Variants in STAMBP observed in about 807,000 individuals in gnomAD.
STAMBP encodes the protein STAM-binding protein.
Under a neutral mutation model 50.7 loss-of-function variants are expected in STAMBP, and 31 were observed. The observed-to-expected ratio is 0.61, with a 90% CI of 0.46 to 0.83. STAMBP has a LOEUF of 0.83. STAMBP is among the 40% of genes least tolerant of loss of function. STAMBP has a pLI of 0.00. For missense variants in STAMBP, 472 were observed against 518.9 expected, an observed-to-expected ratio of 0.91 and a Z score of 0.88; for synonymous variants, 211 against 192.4, an observed-to-expected ratio of 1.10 and a Z score of -0.80.
At chr2:73,848,422 T>C (rs1345512801) in intron 5 of STAMBP, among the ~76,000 whole-genome samples, 1 of 152,222 alleles carries the variant, frequency 6.6e-6, no homozygotes, top group East Asian at 1.9e-4. Context: ...CTCAAGAATA[T>C]ACACCAGTGT....
chr2:73,859,699 A>T (rs908394496), intron 8 of STAMBP, among the ~76,000 whole-genome samples: 54 of 136,752 alleles, frequency 3.9e-4, no homozygotes, highest in Non-Finnish European at 7.6e-4. Context: ...ATAAAAAATA[A>T]AAAATAAAAA....
At position 73,862,951 on chromosome 2, in the gene STAMBP, G is replaced by A. The variant is rs1020517288; in HGVS notation, c.*692G>A. On this transcript the variant is annotated 3_prime_UTR_variant, in exon 10 of 10. Transcript: ENST00000394070. ...ATAAACAGGTTAAAAAAAAGGTATG[G>A]TTGTTTTGGAAAGGTGAAGGAAAAA... The A allele has an allele frequency of 1.3e-5, 2 of 152,240 alleles. No individual in the cohort carries two copies. The highest frequency in any genetic ancestry group is 4.8e-5 in the African/African-American group (2 of 41,400). 9.4% of individuals were successfully genotyped at this position (152,240 alleles called of 1,614,324 possible). A position where few individuals can be genotyped will look rare whatever the true frequency, so the allele number is the denominator to read the frequency against.
chr2:73,851,724 C>T (rs1676833995), intron 7 of STAMBP, among the ~76,000 whole-genome samples: 2 of 151,800 alleles, frequency 1.3e-5, no homozygotes, highest in Non-Finnish European at 2.9e-5. Context: ...ACTGCAACCT[C>T]CACCTCCCGG....
intron 2 of STAMBP, among the ~76,000 whole-genome samples, chr2:73,834,665 G>A (rs141412854): frequency 6.6e-6 from 1 of 151,988 alleles, no homozygotes; most frequent in Non-Finnish European, 1.5e-5. Context: ...GTCGAAATAA[G>A]GAAAATACTT....
Position 73,847,615 on chromosome 2 carries a change from A to G in STAMBP, c.604A>G (p.Lys202Glu). Residue 202 changes from lysine to glutamate, a missense_variant, in exon 5 of 10, where the codon AAG becomes GAG. Coordinates refer to ENST00000394070, the MANE Select transcript of STAMBP (RefSeq NM_213622.4). ...LGGPLVPDLEKPSLDVFPTLT... is the reference protein window; with the variant it reads ...LGGPLVPDLEEPSLDVFPTLT... ...TGGCCCGCTAGTGCCTGACTTGGAG[A>G]AGCCCTCCTTAGATGTGTTCCCCAC... The G allele has an allele frequency of 6.2e-7, 1 of 1,614,138 alleles. No homozygotes were observed. The highest frequency in any genetic ancestry group is 1.3e-5 in the African/African-American group (1 of 75,030).
intron 2 of STAMBP, among the ~76,000 whole-genome samples, chr2:73,833,001 GA>G (rs1674153275): frequency 6.6e-6 from 1 of 152,210 alleles, no homozygotes; most frequent in Non-Finnish European, 1.5e-5. Flanking sequence ...TAATCCAGTA[GA>G]AAAAGGTTCA....
At chr2:73,830,372 A>C (rs553326284) in intron 1 of STAMBP, among the ~76,000 whole-genome samples, 2 of 152,374 alleles carry the variant, frequency 1.3e-5, no homozygotes, top group South Asian at 4.1e-4. Flanking sequence ...TCTCAGATTA[A>C]GTAAAAATGG....
chr2:73,836,989 C>T (rs1330073925), intron 2 of STAMBP, among the ~76,000 whole-genome samples: 1 of 152,162 alleles, frequency 6.6e-6, no homozygotes, highest in East Asian at 1.9e-4. Flanking sequence ...ATCTGGGGTC[C>T]AGGAACCTCA....
intron 2 of STAMBP, among the ~76,000 whole-genome samples, chr2:73,833,984 A>T (rs1674268001): frequency 6.6e-6 from 1 of 151,482 alleles, no homozygotes; most frequent in Non-Finnish European, 1.5e-5. Flanking sequence ...GCCGAAGTGG[A>T]TGGATCACTT....
Position 73,862,381 on chromosome 2 carries a change from T to G in STAMBP, c.*122T>G, listed in dbSNP as rs769448212. 1.6e-6 allele frequency: 1 copy of G among 638,876 alleles called. No homozygotes were observed. The highest frequency in any genetic ancestry group is 2.4e-6 in the Non-Finnish European group (1 of 414,874). The allele number at this position is 638,876 out of a possible 1,614,324, so 39.6% of individuals were successfully genotyped here. A position where few individuals can be genotyped will look rare whatever the true frequency, so the allele number is the denominator to read the frequency against. ...AGATAGTAGAAAGGGGGGCATCACCTGAGAAAGAGCTGATTTTGTATTTCA... is the reference window on the plus strand; with the variant it reads ...AGATAGTAGAAAGGGGGGCATCACCGGAGAAAGAGCTGATTTTGTATTTCA... On this transcript the variant is annotated 3_prime_UTR_variant, in exon 10 of 10. Coordinates refer to ENST00000394070, the MANE Select transcript of STAMBP (RefSeq NM_213622.4).
At position 73,847,769 on chromosome 2, in the gene STAMBP, G is replaced by C. The variant is rs779539948; in HGVS notation, c.742+16G>C. On this transcript the variant is annotated intron_variant, in intron 5 of 9. Coordinates refer to ENST00000394070, the MANE Select transcript of STAMBP (RefSeq NM_213622.4). Reference sequence around the variant, plus strand: ...TCAGAAAGTAGTAAGTGCATTTGCTGATGTCCTCTTCCTTCTCAGTTGCAG... The same window carrying C: ...TCAGAAAGTAGTAAGTGCATTTGCTCATGTCCTCTTCCTTCTCAGTTGCAG... 6.2e-7 allele frequency: 1 copy of C among 1,605,594 alleles called. No individual in the cohort carries two copies. The highest frequency in any genetic ancestry group is 1.3e-5 in the African/African-American group (1 of 74,900).
Position 73,862,257 on chromosome 2 carries a change from T to A in STAMBP, c.1273T>A (p.Ter425ArgextTer18), listed in dbSNP as rs144784852. 2 of 1,611,664 alleles carry A rather than the reference T, an allele frequency of 1.2e-6. No homozygotes were observed. Among genetic ancestry groups the A allele is most frequent in the African/African-American group, 2.7e-5 (2 of 74,700 alleles). ...AGCAGTGACCATCACAGACCTTCGA[T>A]GAGCGTTTGAGTCCAACACCTTCCA... ...DRAVTITDLR* is the reference protein window; with the variant it reads ...DRAVTITDLRR The change falls in exon 10 of 10, where the codon TGA becomes AGA. Residue 425 changes from the stop codon to arginine, a stop_lost. Coordinates refer to ENST00000394070, the MANE Select transcript of STAMBP (RefSeq NM_213622.4).
intron 1 of STAMBP, among the ~76,000 whole-genome samples, 197 bp downstream of exon 1, chr2:73,829,707 G>T (rs1673668563): frequency 6.6e-6 from 1 of 152,184 alleles, no homozygotes. Flanking sequence ...TGTTTTAGAG[G>T]GGAAGGTTTG....
At chr2:73,862,169 T>G (rs770407140) in intron 9 of STAMBP, 34 bp from the exon 10 acceptor site, 13 of 1,581,904 alleles carry the variant, frequency 8.2e-6, no homozygotes. Context: ...TTCAGAATTT[T>G]CTAGGACTCC....
rs1674424639 is a variant in STAMBP at position 73,834,239 on chromosome 2, ATATATATATATATATATATATATATATAT to A, written c.203+3181_203+3209del. Among the ~76,000 whole-genome samples, 21 of 15,578 alleles carry A rather than the reference ATATATATATATATATATATATATATATAT, an allele frequency of 1.3e-3. 1 individual carries two copies. The South Asian group carries it at 0.029, about 21-fold the overall frequency. The allele number at this position is 15,578 out of a possible 152,430, so 10.2% of individuals were successfully genotyped here. On this transcript the variant is annotated intron_variant, in intron 2 of 9. Transcript: ENST00000394070. ...AAAAAAAAAAAAAAAAAAAAAAAAT[ATATATATATATATATATATATATATATAT>A]ATATATATATATATATATAAAGTTT...
chr2:73,859,099 AGAT>A (rs535148951), intron 7 of STAMBP, among the ~76,000 whole-genome samples, 152 bp from the exon 8 acceptor site: 8 of 152,358 alleles, frequency 5.3e-5, no homozygotes, highest in South Asian at 4.1e-4. Context: ...AGTTATGTGA[AGAT>A]GATCTCTCTT....
Position 73,834,289 on chromosome 2 carries a change from AG to A in STAMBP, c.203+3231del, listed in dbSNP as rs1245299216. Among the ~76,000 whole-genome samples the A allele has an allele frequency of 6.4e-3, 661 of 102,948 alleles. 24 individuals are homozygous for A. Among genetic ancestry groups the A allele is most frequent in the African/African-American group, 0.016 (415 of 25,204 alleles). 67.5% of individuals were successfully genotyped at this position (102,948 alleles called of 152,430 possible). Reference sequence around the variant, plus strand: ...TATATATATATATATATATATATAAAGTTTTTGACTCCCCAGAAACTTAACT... The same window carrying A: ...TATATATATATATATATATATATAAATTTTTGACTCCCCAGAAACTTAACT... On this transcript the variant is annotated intron_variant, in intron 2 of 9. Coordinates refer to ENST00000394070, the MANE Select transcript of STAMBP (RefSeq NM_213622.4).
chr2:73,830,969 G>A lies in STAMBP; in HGVS notation c.113G>A (p.Arg38His), dbSNP rs535383459. Residue 38 changes from arginine to histidine, a missense_variant, in exon 2 of 10, where the codon CGC (arginine) becomes CAC (histidine). Arg to His is a conservative substitution (Grantham distance 29, BLOSUM62 0). Transcript: ENST00000394070. The part of the protein sequence containing the change: ...NEDIPPRRYF[R>H]SGVEIIRMAS... ...GACATTCCACCCCGTCGGTACTTCC[G>A]CTCTGGAGTTGAGATTATCCGAATG... The A allele has an allele frequency of 3.7e-6, 6 of 1,614,166 alleles. 1 individual carries two copies. Among genetic ancestry groups the A allele is most frequent in the South Asian group, 3.3e-5 (3 of 91,088 alleles).
Position 73,866,825 on chromosome 2 carries a change from C to T in STAMBP, c.*4566C>T, listed in dbSNP as rs1035088588. The T allele has an allele frequency of 6.6e-6, 1 of 152,226 alleles. No homozygotes were observed. The highest frequency in any genetic ancestry group is 1.5e-5 in the Non-Finnish European group (1 of 68,080). The allele number at this position is 152,226 out of a possible 1,614,324, so 9.4% of individuals were successfully genotyped here. On this transcript the variant is annotated 3_prime_UTR_variant, in exon 10 of 10. Transcript: ENST00000394070. Reference sequence around the variant, plus strand: ...ATCTTGTCACAGAAATCAAGGAAGGCAACAGTTTAAAGGAGGGGAGGGAGA... The same window carrying T: ...ATCTTGTCACAGAAATCAAGGAAGGTAACAGTTTAAAGGAGGGGAGGGAGA...
Sources: allele counts gnomAD v4.1 joint callset (sites outside exome capture counted in the v4.1 genomes callset), GRCh38; gene constraint gnomAD v4.1.1; transcripts MANE v1.5; gene names NCBI Gene and HGNC (gene_info 2026-07-23, HGNC 2026-07-21).